The following TLE2 variants were observed in gnomAD, a reference collection of about 807,000 sequenced individuals.
TLE2 encodes the protein TLE family member 2, transcriptional corepressor.
Under a neutral mutation model 97.2 loss-of-function variants are expected in TLE2, and 74 were observed. The observed-to-expected ratio is 0.76, with a 90% CI of 0.63 to 0.92. The LOEUF (loss-of-function observed/expected upper bound fraction) is 0.92, where lower values mean the gene tolerates loss of function less well. Ranked by LOEUF, TLE2 falls within the 40% of genes least tolerant of loss-of-function variation. TLE2 has a pLI of 0.00. For synonymous variants in TLE2, 499 were observed against 432.1 expected, an observed-to-expected ratio of 1.15 and a Z score of -1.92; for missense variants, 1,038 against 1,008.7, an observed-to-expected ratio of 1.03 and a Z score of -0.39.
upstream of TLE2, chr19:3,029,565 G>GT: frequency 2.7e-6 from 2 of 742,542 alleles, no homozygotes; most frequent in African/African-American, 1.9e-5. Flanking sequence ...GAGCGGGGGG[G>GT]GGGGCTTGCG....
At chr19:3,013,881 T>C (rs2089647851) in intron 10 of TLE2, 63 bp from the exon 11 acceptor site, 2 of 1,356,612 alleles carry the variant, frequency 1.5e-6, no homozygotes, top group Non-Finnish European at 1.9e-6. Context: ...GTCCCTTCTC[T>C]ATCCTCCTCC....
chr19:3,039,024 CAA>C (rs1307284466), intron 1 of TLE2, among the ~76,000 whole-genome samples: 4 of 129,504 alleles, frequency 3.1e-5, no homozygotes, highest in Non-Finnish European at 6.5e-5. Context: ...GCCTGGGCAA[CAA>C]GAGCAAAACC....
intron 7 of TLE2, among the ~76,000 whole-genome samples, chr19:3,018,781 A>AT (rs2089772831): frequency 1.3e-5 from 2 of 150,228 alleles, no homozygotes; most frequent in South Asian, 4.2e-4. Flanking sequence ...CTCCTGCCTA[A>AT]TTTTTTTTGT....
intron 11 of TLE2, among the ~76,000 whole-genome samples, chr19:3,012,459 G>A (rs531759025): frequency 1.1e-4 from 16 of 152,204 alleles, no homozygotes; most frequent in African/African-American, 2.9e-4. Flanking sequence ...TCGAGTGATC[G>A]TCCTGCCTTG....
At chr19:3,014,748 C>G in intron 9 of TLE2, 134 bp from the exon 10 acceptor site, 1 of 828,426 alleles carries the variant, frequency 1.2e-6, no homozygotes. Context: ...CCACTGCACC[C>G]GTTTGCTCAT....
intron 1 of TLE2, among the ~76,000 whole-genome samples, chr19:3,034,383 G>C (rs2090047565): frequency 1.3e-5 from 2 of 151,500 alleles, no homozygotes; most frequent in South Asian, 2.1e-4. Context: ...TAAATTTCCA[G>C]CTCTTCACCC....
intron 5 of TLE2, among the ~76,000 whole-genome samples, chr19:3,024,559 ACTT>A (rs1302217896): frequency 9.2e-5 from 14 of 151,642 alleles, no homozygotes; most frequent in South Asian, 2.1e-4. Context: ...TCCCTCAGTG[ACTT>A]CTTCTAGCAA....
intron 4 of TLE2, among the ~76,000 whole-genome samples, chr19:3,027,156 T>C (rs184646450): frequency 6.6e-6 from 1 of 152,356 alleles, no homozygotes; most frequent in East Asian, 1.9e-4. Flanking sequence ...AACCCTGAGG[T>C]CTATTTCAGA....
chr19:3,017,514 G>A (rs188621), intron 8 of TLE2, among the ~76,000 whole-genome samples: 1,582 of 142,876 alleles, frequency 0.011, 29 homozygotes, highest in African/African-American at 0.039. Context: ...GCAGTGGCAC[G>A]ATCACAGCTC....
intron 14 of TLE2, among the ~76,000 whole-genome samples, chr19:3,007,990 GA>G (rs1347310992): frequency 1.3e-5 from 2 of 152,152 alleles, no homozygotes; most frequent in African/African-American, 4.8e-5. Flanking sequence ...GCTGGAGCAG[GA>G]GAATCGCTTG....
At chr19:3,047,091 C>T (rs1334827945), upstream of TLE2, among the ~76,000 whole-genome samples, 1 of 42,988 alleles carries the variant, frequency 2.3e-5, no homozygotes, top group Non-Finnish European at 5.0e-5. Flanking sequence ...TCCCTCCTCT[C>T]TCTCCTCCCC....
intron 4 of TLE2, among the ~76,000 whole-genome samples, chr19:3,026,717 G>C (rs1357918986): frequency 6.6e-6 from 1 of 151,652 alleles, no homozygotes; most frequent in Non-Finnish European, 1.5e-5. Flanking sequence ...TCTGAACCTT[G>C]AGATCACAAG....
At chr19:3,035,336 A>G (rs531589366) in intron 1 of TLE2, among the ~76,000 whole-genome samples, 9 of 152,234 alleles carry the variant, frequency 5.9e-5, no homozygotes, top group Admixed American at 5.2e-4. Context: ...CAACGTGGGT[A>G]GAGTCCCCAG....
chr19:3,025,410 G>A (rs967236360), intron 4 of TLE2: 35 of 1,144,868 alleles, frequency 3.1e-5, no homozygotes, highest in Non-Finnish European at 3.7e-5. Flanking sequence ...CAACTCAGAC[G>A]CAGACACTCA....
chr19:3,009,885 C>CT (rs66977119), intron 12 of TLE2, among the ~76,000 whole-genome samples, 183 bp from the exon 13 acceptor site: 94,278 of 139,118 alleles, frequency 0.68, 30,558 homozygotes, highest in African/African-American at 0.78. Flanking sequence ...CTTTCTCTCT[C>CT]TCTTTTTTTC....
Position 3,013,838 on chromosome 19 carries a change from G to A in TLE2, c.724-20C>T, listed in dbSNP as rs777968950. 4.0e-6 allele frequency: 6 copies of A among 1,497,048 alleles called. No individual in the cohort carries two copies. Among genetic ancestry groups the A allele is most frequent in the South Asian group, 2.8e-5 (2 of 71,596 alleles). The allele number at this position is 1,497,048 out of a possible 1,614,324, so 92.7% of individuals were successfully genotyped here. A position where few individuals can be genotyped will look rare whatever the true frequency, so the allele number is the denominator to read the frequency against. ...TTGGTCCTGGGTTTGAGGAGGTGAC[G>A]TTGAGCAGAGTTGAAATGAGAGGGA... On this transcript the variant is annotated intron_variant, in intron 10 of 19. Transcript: ENST00000262953.
rs527784937 is a variant in TLE2 at position 3,018,727 on chromosome 19, G to A, written c.550+556C>T. 1.8e-3 allele frequency among the ~76,000 whole-genome samples: 268 copies of A among 151,850 alleles called. 1 individual carries two copies. The highest frequency in any genetic ancestry group is 6.2e-3 in the African/African-American group (258 of 41,414). ...CCTCCCAGGTTCAAGCGATTCTCCT[G>A]CCTCAGCCTCCCGAGTAGCTGAGAT... On this transcript the variant is annotated intron_variant, in intron 7 of 19. Transcript: ENST00000262953.
At chr19:3,017,770 C>T (rs2089743973) in intron 8 of TLE2, 70 bp downstream of exon 8, 12 of 1,468,990 alleles carry the variant, frequency 8.2e-6, no homozygotes, top group South Asian at 6.1e-5. Context: ...ATTCTGAGGC[C>T]CCCATCAGCT....
chr19:3,017,954 G>A lies in TLE2; in HGVS notation c.551-95C>T, dbSNP rs1463181102. 2.6e-5 allele frequency: 30 copies of A among 1,167,006 alleles called. No individual in the cohort carries two copies. In the Admixed American group the frequency reaches 5.6e-4, roughly 22 times the overall value. The allele number at this position is 1,167,006 out of a possible 1,614,324, so 72.3% of individuals were successfully genotyped here. A position where few individuals can be genotyped will look rare whatever the true frequency, so the allele number is the denominator to read the frequency against. On this transcript the variant is annotated intron_variant, in intron 7 of 19. Coordinates refer to ENST00000262953, the MANE Select transcript of TLE2 (RefSeq NM_003260.5). ...AGGGTACAGCCCTCCAGTTTATAAA[G>A]CCCCCCGCCCCCACCACCCCACTCA...
Sources: allele counts gnomAD v4.1 joint callset (sites outside exome capture counted in the v4.1 genomes callset), GRCh38; gene constraint gnomAD v4.1.1; transcripts MANE v1.5; gene names NCBI Gene and HGNC (gene_info 2026-07-23, HGNC 2026-07-21).